The following VTCN1 variants were observed in gnomAD, a reference collection of about 807,000 sequenced individuals.
The protein encoded by VTCN1 is V-set domain containing T cell activation inhibitor 1.
Under a neutral mutation model 26.5 loss-of-function variants are expected in VTCN1, and 26 were observed. That is an observed-to-expected ratio of 0.98 (90% CI 0.72 to 1.36). The LOEUF (loss-of-function observed/expected upper bound fraction) is 1.36. VTCN1 is among the 40% of genes most tolerant of loss of function. The probability of loss-of-function intolerance (pLI) is 0.00; values close to 1 mark genes in which losing one functional copy is unlikely to be tolerated. For synonymous variants in VTCN1, 116 were observed against 130.7 expected, an observed-to-expected ratio of 0.89 and a Z score of 0.77; for missense variants, 298 against 337.7, an observed-to-expected ratio of 0.88 and a Z score of 0.92.
intron 1 of VTCN1, among the ~76,000 whole-genome samples, chr1:117,201,956 C>T (rs1648811431): frequency 6.6e-6 from 1 of 152,212 alleles, no homozygotes; most frequent in Admixed American, 6.5e-5. Flanking sequence ...CCTCATCTAA[C>T]TCTCTCCTGC....
chr1:117,165,967 G>T, intron 2 of VTCN1, among the ~76,000 whole-genome samples: 1 of 152,146 alleles, frequency 6.6e-6, no homozygotes, highest in East Asian at 1.9e-4. Flanking sequence ...CTAACAAACT[G>T]CCCATTTTAT....
chr1:117,186,475 GAGAAGC>G (rs1245164762), intron 1 of VTCN1, among the ~76,000 whole-genome samples: 3 of 152,212 alleles, frequency 2.0e-5, no homozygotes, highest in African/African-American at 7.2e-5. Flanking sequence ...AGCAGTATTA[GAGAAGC>G]AAGTTCATTC....
intron 1 of VTCN1, among the ~76,000 whole-genome samples, chr1:117,197,482 ATAGTAAATATTCTCTCCAT>A (rs1310905463): frequency 6.6e-6 from 1 of 152,182 alleles, no homozygotes; most frequent in Admixed American, 6.5e-5. Context: ...TTCAGCTATA[ATAGTAAATATTCTCTCCAT>A]TTACTTAGGG....
intron 1 of VTCN1, among the ~76,000 whole-genome samples, chr1:117,198,940 T>C (rs971544590): frequency 6.6e-6 from 1 of 152,124 alleles, no homozygotes; most frequent in East Asian, 1.9e-4. Flanking sequence ...TGACTTTGGA[T>C]ATCAAATATG....
intron 1 of VTCN1, among the ~76,000 whole-genome samples, chr1:117,189,363 G>A (rs1481737531): frequency 6.6e-6 from 1 of 152,160 alleles, no homozygotes; most frequent in Non-Finnish European, 1.5e-5. Context: ...ATTGTGAGTT[G>A]GAGAATGTGG....
At position 117,150,963 on chromosome 1, in the gene VTCN1, C is replaced by G. The variant is rs369929343; in HGVS notation, c.724+2128G>C. 1.5e-4 allele frequency among the ~76,000 whole-genome samples: 23 copies of G among 152,226 alleles called. No homozygotes were observed. In the South Asian group the frequency reaches 4.6e-3, roughly 30 times the overall value. ...TGATAGGATTTCCTTCCTTTTTGAG[C>G]CTGAATGGTATTCTATTGTATGTGT... On this transcript the variant is annotated intron_variant, in intron 4 of 5. Coordinates refer to ENST00000369458, the MANE Select transcript of VTCN1 (RefSeq NM_024626.4).
rs542455624 is a variant in VTCN1, at chr1:117,208,664, C to T, written c.32+2160G>A. On this transcript the variant is annotated intron_variant, in intron 1 of 5. Coordinates refer to ENST00000369458, the MANE Select transcript of VTCN1 (RefSeq NM_024626.4). ...GCAAATGTTTCATGAGCGAATGCTG[C>T]TGCTGTCAACAGCCATGATGGGGAG... is the stretch of plus-strand genomic sequence containing the variant. Among the ~76,000 whole-genome samples, 15 of 152,306 alleles carry T rather than the reference C, an allele frequency of 9.8e-5. No individual in the cohort carries two copies. In the East Asian group the frequency reaches 2.9e-3, roughly 29 times the overall value.
chr1:117,195,860 A>C (rs560063093), intron 1 of VTCN1, among the ~76,000 whole-genome samples: 26 of 152,322 alleles, frequency 1.7e-4, no homozygotes, highest in Admixed American at 5.2e-4. Flanking sequence ...ACTAAAATTA[A>C]TGTAATAGGA....
rs1647287816 is a variant in VTCN1 at position 117,175,506 on chromosome 1, TA to T, written c.33-5336del. ...GTTCATTCAAAAAAATTCTTTTTCA[TA>T]AAATAAAAATAGAACTGAAAGCCAT... On this transcript the variant is annotated intron_variant, in intron 1 of 5. Transcript: ENST00000369458. This position sits in a 1 kb window ranked among gnomAD's most constrained non-coding sequence, Gnocchi z 4.2. Among the ~76,000 whole-genome samples the T allele has an allele frequency of 6.6e-6, 1 of 152,206 alleles. No homozygotes were observed. The highest frequency in any genetic ancestry group is 1.5e-5 in the Non-Finnish European group (1 of 68,024).
At chr1:117,194,493 A>G (rs905710564) in intron 1 of VTCN1, among the ~76,000 whole-genome samples, 1 of 152,246 alleles carries the variant, frequency 6.6e-6, no homozygotes, top group African/African-American at 2.4e-5. Flanking sequence ...TGGAACTACC[A>G]TATGATCTGT....
intron 1 of VTCN1, among the ~76,000 whole-genome samples, chr1:117,178,191 G>A (rs1647467151): frequency 6.6e-6 from 1 of 151,444 alleles, no homozygotes; most frequent in Admixed American, 6.6e-5. Flanking sequence ...CTCCCATTTT[G>A]GTCTCCAAAA....
At chr1:117,172,322 G>T (rs1652961442) in intron 1 of VTCN1, 2 of 518,156 alleles carry the variant, frequency 3.9e-6, no homozygotes, top group African/African-American at 3.8e-5. Flanking sequence ...CAGCCACAAG[G>T]CAGCAAGCGA....
rs1651875694 is a variant in VTCN1 at position 117,153,071 on chromosome 1, A to T, written c.724+20T>A. Reference sequence around the variant, plus strand: ...TACTCTTTCCCCAGTAAATCCATACAAAAGCATGCAGGAACCCACCTGTCA... The same window carrying T: ...TACTCTTTCCCCAGTAAATCCATACTAAAGCATGCAGGAACCCACCTGTCA... On this transcript the variant is annotated intron_variant, in intron 4 of 5. Coordinates refer to ENST00000369458, the MANE Select transcript of VTCN1 (RefSeq NM_024626.4). 1.3e-6 allele frequency: 2 copies of T among 1,596,118 alleles called. No individual in the cohort carries two copies. The highest frequency in any genetic ancestry group is 1.3e-5 in the African/African-American group (1 of 74,650).
chr1:117,157,084 A>C, intron 2 of VTCN1, 163 bp from the exon 3 acceptor site: 2 of 931,552 alleles, frequency 2.1e-6, no homozygotes, highest in Non-Finnish European at 3.1e-6. Context: ...CAGGAAGACA[A>C]TCATTTTGAT....
intron 1 of VTCN1, chr1:117,172,317 A>C (rs1652961002): frequency 1.9e-6 from 1 of 518,006 alleles, no homozygotes. Flanking sequence ...AGGTGCAGCC[A>C]CAAGGCAGCA....
chr1:117,152,632 T>C lies in VTCN1; in HGVS notation c.724+459A>G, dbSNP rs565197132. ...CTCATGAGGGATGAATAAAACTAAG[T>C]CAGACTCCAGACTTTTAGTCTTCAG... On this transcript the variant is annotated intron_variant, in intron 4 of 5. Transcript: ENST00000369458. Among the ~76,000 whole-genome samples the C allele has an allele frequency of 2.0e-5, 3 of 152,292 alleles. No individual in the cohort carries two copies. In the East Asian group the frequency reaches 5.8e-4, roughly 29 times the overall value.
chr1:117,208,512 A>T (rs1307575445), intron 1 of VTCN1, among the ~76,000 whole-genome samples: 1 of 152,170 alleles, frequency 6.6e-6, no homozygotes, highest in Non-Finnish European at 1.5e-5. Flanking sequence ...ACAGCATCTT[A>T]GTCACTTTTG....
chr1:117,203,436 T>C (rs1462065040), intron 1 of VTCN1, among the ~76,000 whole-genome samples: 3 of 152,188 alleles, frequency 2.0e-5, no homozygotes, highest in Non-Finnish European at 4.4e-5. Flanking sequence ...TATGAAATTT[T>C]TCATTTTAAA....
chr1:117,208,609 T>C (rs1649211050), intron 1 of VTCN1, among the ~76,000 whole-genome samples: 1 of 152,190 alleles, frequency 6.6e-6, no homozygotes, highest in Non-Finnish European at 1.5e-5. Flanking sequence ...AGCAAGGGTT[T>C]TCTACCCCTG....
Sources: allele counts gnomAD v4.1 joint callset (sites outside exome capture counted in the v4.1 genomes callset), GRCh38; gene constraint gnomAD v4.1.1; non-coding constraint Gnocchi (gnomAD v3.1); transcripts MANE v1.5; gene names NCBI Gene and HGNC (gene_info 2026-07-23, HGNC 2026-07-21).